DDX19B: variants seen among roughly 807,000 people sequenced by gnomAD.
DDX19B encodes the protein DEAD-box helicase 19B.
In DDX19B, 27 loss-of-function variants were observed where a neutral mutation model predicts 58.1. The observed-to-expected ratio is 0.46, with a 90% confidence interval of 0.34 to 0.64. The LOEUF (loss-of-function observed/expected upper bound fraction) is 0.64, where lower values mean the gene tolerates loss of function less well. Ranked by LOEUF, DDX19B falls within the 30% of genes least tolerant of loss-of-function variation. The probability of loss-of-function intolerance (pLI) is 0.01; values close to 1 mark genes in which losing one functional copy is unlikely to be tolerated. For synonymous variants in DDX19B, 187 were observed against 214.4 expected, an observed-to-expected ratio of 0.87 and a Z score of 1.12; for missense variants, 399 against 596.5, an observed-to-expected ratio of 0.67 and a Z score of 3.45.
intron 5 of DDX19B, among the ~76,000 whole-genome samples, chr16:70,322,814 C>T (rs1962915234): frequency 6.6e-6 from 1 of 150,692 alleles, no homozygotes; most frequent in Non-Finnish European, 1.5e-5. Flanking sequence ...ATTGCTTGAA[C>T]CTGGGAGGCA....
At position 70,329,946 on chromosome 16, in the gene DDX19B, G is replaced by A; in HGVS notation, c.901G>A (p.Glu301Lys). ...AAACGTTATCAAACTGAAGCGTGAG[G>A]AAGAGACCCTGGACACCATCAAGCA... ...DPNVIKLKRE[E>K]ETLDTIKQYY... The change falls in exon 9 of 12, where the codon GAA becomes AAA. Residue 301 changes from glutamate to lysine, a missense_variant. Glu to Lys is a moderately conservative substitution (Grantham distance 56, BLOSUM62 1). This residue lies in a region of DDX19B where 198 missense variants were observed against 345.9 expected (regional missense o/e 0.57). Transcript: ENST00000288071. The A allele has an allele frequency of 1.9e-6, 3 of 1,614,246 alleles. No individual in the cohort carries two copies. The highest frequency in any genetic ancestry group is 1.7e-6 in the Non-Finnish European group (2 of 1,180,046).
In DDX19B at chr16:70,331,803, G is replaced by A. The variant is rs778591805; in HGVS notation, c.1105G>A (p.Val369Met). Residue 369 changes from valine to methionine, a missense_variant, in exon 10 of 12, where the codon GTG becomes ATG. Val to Met is a conservative substitution (Grantham distance 21). Around this residue, in one of 4 missense-constraint regions of DDX19B, gnomAD observed 198 missense variants for 345.9 expected, o/e 0.57. Coordinates refer to ENST00000288071, the MANE Select transcript of DDX19B (RefSeq NM_007242.7). ...QVALLSGEMM[V>M]EQRAAVIERF... ...GGCTCTGCTGAGTGGGGAGATGATG[G>A]TGGAACAGAGGGCTGCAGTGATTGA... 1 of 1,614,218 alleles carries A rather than the reference G, an allele frequency of 6.2e-7. No homozygotes were observed. The highest frequency in any genetic ancestry group is 1.1e-5 in the South Asian group (1 of 91,088).
intron 1 of DDX19B, among the ~76,000 whole-genome samples, chr16:70,304,372 CTT>C (rs1055145154): frequency 3.8e-4 from 49 of 128,768 alleles, no homozygotes; most frequent in Admixed American, 4.9e-4. Context: ...ACAGAGATGT[CTT>C]TTTTTTTTTT....
intron 8 of DDX19B, 46 bp downstream of exon 8, chr16:70,329,515 G>C: frequency 6.2e-7 from 1 of 1,610,438 alleles, no homozygotes; most frequent in African/African-American, 1.3e-5. Flanking sequence ...CCCATCTGCA[G>C]TGTCTTCTCC....
In DDX19B at chr16:70,317,156, C is replaced by T. The variant is rs369645171; in HGVS notation, c.297-340C>T. 4.3e-4 allele frequency: 66 copies of T among 153,716 alleles called. No individual in the cohort carries two copies. The East Asian group carries it at 0.01, about 24-fold the overall frequency. 9.5% of individuals were successfully genotyped at this position (153,716 alleles called of 1,614,324 possible). On this transcript the variant is annotated intron_variant, in intron 4 of 11. Coordinates refer to ENST00000288071, the MANE Select transcript of DDX19B (RefSeq NM_007242.7). ...CTGGGAGACGGAGGTTGCAGTGAGC[C>T]GAGATCGCGCCACTGCACTCCAGCC...
At chr16:70,316,795 G>T (rs923073503) in intron 4 of DDX19B, among the ~76,000 whole-genome samples, 8 of 152,178 alleles carry the variant, frequency 5.3e-5, no homozygotes, top group African/African-American at 1.9e-4. Context: ...TGTAGGCCAG[G>T]CATAGTGGCT....
At chr16:70,297,009 G>A (rs1056111715), upstream of DDX19B, among the ~76,000 whole-genome samples, 8 of 151,976 alleles carry the variant, frequency 5.3e-5, no homozygotes, top group Non-Finnish European at 8.8e-5. Flanking sequence ...TCCACCTCCC[G>A]GGTTCAAGCG....
At chr16:70,292,478 A>C (rs1410060301), upstream of DDX19B, among the ~76,000 whole-genome samples, 2 of 152,198 alleles carry the variant, frequency 1.3e-5, no homozygotes. Context: ...AAAAGAAAGA[A>C]ATTGTAATTG....
At chr16:70,308,586 G>A (rs562820112) in intron 1 of DDX19B, among the ~76,000 whole-genome samples, 102 of 151,900 alleles carry the variant, frequency 6.7e-4, no homozygotes, top group African/African-American at 2.4e-3. Context: ...ACCCAGGCTT[G>A]TCTCGAACTC....
At chr16:70,332,879 C>G (rs1963550137) in intron 10 of DDX19B, 89 bp from the exon 11 acceptor site, 4 of 1,610,604 alleles carry the variant, frequency 2.5e-6, no homozygotes. Flanking sequence ...TCCCTTAATG[C>G]TGAGTCATGC....
Position 70,331,877 on chromosome 16 carries a change from T to C in DDX19B, c.1179T>C (p.Cys393=), listed in dbSNP as rs764810271. The change falls in exon 10 of 12, where the codon TGT becomes TGC. Residue 393 remains cysteine, a synonymous_variant. Coordinates refer to ENST00000288071, the MANE Select transcript of DDX19B (RefSeq NM_007242.7). ...KEKVLVTTNV[C]ARGIDVEQVS... ...AGGTTTTGGTGACCACCAACGTGTGTGCCCGCGGTGAGCAGAGGACGTGTC... is the reference window on the plus strand; with the variant it reads ...AGGTTTTGGTGACCACCAACGTGTGCGCCCGCGGTGAGCAGAGGACGTGTC... 6.7e-5 allele frequency: 108 copies of C among 1,613,600 alleles called. 2 individuals are homozygous for C. In the Middle Eastern group the frequency reaches 1.5e-3, roughly 22 times the overall value.
At chr16:70,299,136 GC>G (rs1961340158), upstream of DDX19B, 1 of 1,359,172 alleles carries the variant, frequency 7.4e-7, no homozygotes, top group Non-Finnish European at 9.4e-7. Flanking sequence ...GCAAAGGGTG[GC>G]CAAACAGGAG....
intron 1 of DDX19B, among the ~76,000 whole-genome samples, chr16:70,309,328 T>C (rs908983847): frequency 3.3e-5 from 5 of 151,414 alleles, no homozygotes; most frequent in Non-Finnish European, 7.4e-5. Context: ...ACCCCGTCTC[T>C]ACTAAAAATA....
At chr16:70,310,575 G>A (rs1481860502) in intron 1 of DDX19B, among the ~76,000 whole-genome samples, 2 of 151,928 alleles carry the variant, frequency 1.3e-5, no homozygotes, top group Non-Finnish European at 2.9e-5. Flanking sequence ...ATTAGGTTGT[G>A]ATTTTCATTT....
At chr16:70,333,369 G>A in intron 11 of DDX19B, 152 bp from the exon 12 acceptor site, 1 of 1,323,352 alleles carries the variant, frequency 7.6e-7, no homozygotes, top group Non-Finnish European at 1.0e-6. Context: ...GGGCTTCGGG[G>A]CGTGGGGCTC....
upstream of DDX19B, among the ~76,000 whole-genome samples, chr16:70,292,936 T>C (rs1961097242): frequency 6.6e-6 from 1 of 151,886 alleles, no homozygotes. Flanking sequence ...TGAAACCCCA[T>C]CTCTACTAAA....
chr16:70,302,019 C>G (rs1335423989), intron 1 of DDX19B, among the ~76,000 whole-genome samples: 1 of 151,028 alleles, frequency 6.6e-6, no homozygotes, highest in Non-Finnish European at 1.5e-5. Flanking sequence ...TTCTTGAGTT[C>G]AAGCGATTCT....
chr16:70,331,582 T>C, intron 9 of DDX19B, 140 bp from the exon 10 acceptor site: 2 of 1,159,940 alleles, frequency 1.7e-6, no homozygotes, highest in South Asian at 3.3e-5. Flanking sequence ...CATGCTTCAT[T>C]GAGAAATTTT....
Position 70,334,332 on chromosome 16 carries a change from G to C in DDX19B, c.*750G>C, listed in dbSNP as rs751188695. ...CAAGTCCTGTGGAGAAGTCATCATGGAGAATTAGTGGTGGCCCTAGCGTGC... is the reference window on the plus strand; with the variant it reads ...CAAGTCCTGTGGAGAAGTCATCATGCAGAATTAGTGGTGGCCCTAGCGTGC... On this transcript the variant is annotated 3_prime_UTR_variant, in exon 12 of 12. Transcript: ENST00000288071. 6.6e-6 allele frequency: 1 copy of C among 152,170 alleles called. No individual in the cohort carries two copies. The highest frequency in any genetic ancestry group is 2.4e-5 in the African/African-American group (1 of 41,374). The allele number at this position is 152,170 out of a possible 1,614,324, so 9.4% of individuals were successfully genotyped here.
Sources: gnomAD v4.1 joint callset for allele counts (sites outside exome capture counted in the v4.1 genomes callset) on GRCh38, gnomAD v4.1.1 for gene constraint, gnomAD v4.1.1 regional missense constraint, MANE v1.5 for transcripts, NCBI Gene and HGNC (gene_info 2026-07-23, HGNC 2026-07-21) for gene names.